The following GPC5 variants were observed in gnomAD, a reference collection of about 807,000 sequenced individuals.
GPC5 encodes glypican-5.
Under a neutral mutation model 53.9 loss-of-function variants are expected in GPC5, and 47 were observed. The observed-to-expected ratio is 0.87, with a 90% CI of 0.69 to 1.11. The LOEUF (loss-of-function observed/expected upper bound fraction) is 1.11, where lower values mean the gene tolerates loss of function less well. GPC5 is among the 50% of genes most tolerant of loss of function. The probability of loss-of-function intolerance (pLI) is 0.00; values close to 1 mark genes in which losing one functional copy is unlikely to be tolerated. For synonymous variants in GPC5, 286 were observed against 263.3 expected (o/e 1.09, Z -0.84); for missense variants, 748 against 713.1 (o/e 1.05, Z -0.56).
chr13:91,832,936 A>C (rs2038679512), intron 5 of GPC5, among the ~76,000 whole-genome samples: 2 of 152,204 alleles, frequency 1.3e-5, no homozygotes, highest in Non-Finnish European at 2.9e-5. Context: ...ACCCTTCAAA[A>C]AAATCAATGA....
rs920301324 is a variant in GPC5, at chr13:92,476,758, A to G, written c.1561+331769A>G. 1.0e-4 allele frequency among the ~76,000 whole-genome samples: 15 copies of G among 149,340 alleles called. 1 individual carries two copies. The highest frequency in any genetic ancestry group is 3.5e-4 in the African/African-American group (14 of 39,932). ...TGTCCTTTGTAGGGACATGGATGAA[A>G]TTGGAAATCATCATTCTCAGTAAAC... On this transcript the variant is annotated intron_variant, in intron 7 of 7. Transcript: ENST00000377067.
At chr13:92,483,708 A>G (rs755026378) in intron 7 of GPC5, among the ~76,000 whole-genome samples, 2 of 152,072 alleles carry the variant, frequency 1.3e-5, no homozygotes, top group Non-Finnish European at 2.9e-5. Flanking sequence ...TGACTTTTCT[A>G]TAATAAATGT....
chr13:92,725,796 A>T (rs908024268), intron 7 of GPC5, among the ~76,000 whole-genome samples: 1 of 151,576 alleles, frequency 6.6e-6, no homozygotes, highest in African/African-American at 2.4e-5. Flanking sequence ...TTTAGATCTA[A>T]ATTGGATGAA....
At chr13:92,533,516 C>A (rs941819159) in intron 7 of GPC5, among the ~76,000 whole-genome samples, 1 of 152,062 alleles carries the variant, frequency 6.6e-6, no homozygotes, top group Non-Finnish European at 1.5e-5. Flanking sequence ...TATAATATAG[C>A]TTTGGATATT....
chr13:92,724,935 G>T (rs1193665719), intron 7 of GPC5, among the ~76,000 whole-genome samples: 1 of 144,180 alleles, frequency 6.9e-6, no homozygotes, highest in East Asian at 2.0e-4. Flanking sequence ...CAAGAGAGTA[G>T]CTAAGATCTA....
At chr13:91,520,395 A>T (rs966506853) in intron 2 of GPC5, among the ~76,000 whole-genome samples, 16 of 152,194 alleles carry the variant, frequency 1.1e-4, no homozygotes, top group Non-Finnish European at 2.1e-4. Flanking sequence ...CATGATTGAC[A>T]TTTAAATCCA....
intron 5 of GPC5, among the ~76,000 whole-genome samples, chr13:91,790,640 C>A (rs932471160): frequency 6.6e-6 from 1 of 152,120 alleles, no homozygotes; most frequent in Non-Finnish European, 1.5e-5. Flanking sequence ...TTTATTATTT[C>A]TTTGATAATC....
chr13:92,025,207 A>C lies in GPC5; in HGVS notation c.1401+117150A>C, dbSNP rs559005112. ...TTATTGTTATATTTGATTTTAAGTA[A>C]ATTCTAGTTAAGATTCTTAACAATT... On this transcript the variant is annotated intron_variant, in intron 6 of 7. Coordinates refer to ENST00000377067, the MANE Select transcript of GPC5 (RefSeq NM_004466.6). Among the ~76,000 whole-genome samples the C allele has an allele frequency of 2.3e-4, 35 of 152,090 alleles. 1 individual carries two copies. Among genetic ancestry groups the C allele is most frequent in the Non-Finnish European group, 4.3e-4 (29 of 68,022 alleles).
At chr13:92,270,706 C>A (rs1346386921) in intron 7 of GPC5, among the ~76,000 whole-genome samples, 2 of 152,052 alleles carry the variant, frequency 1.3e-5, no homozygotes, top group African/African-American at 4.8e-5. Flanking sequence ...ATGAAAATAT[C>A]TTTGTTTTTA....
rs1011383542 is a variant in GPC5 at position 91,398,943 on chromosome 13, C to A, written c.-104C>A. The A allele has an allele frequency of 6.3e-6, 9 of 1,418,842 alleles. No individual in the cohort carries two copies. The African/African-American group carries it at 1.1e-4, about 18-fold the overall frequency. 87.9% of individuals were successfully genotyped at this position (1,418,842 alleles called of 1,614,324 possible). ...CGTACACCCCGCAGCCGGCTCGCAC[C>A]GCTCGAGAGCCTCGGCCGCTGTGTC... On this transcript the variant is annotated 5_prime_UTR_variant, in exon 1 of 8. Transcript: ENST00000377067.
chr13:91,673,484 G>A (rs2035298961), intron 2 of GPC5, among the ~76,000 whole-genome samples: 1 of 151,934 alleles, frequency 6.6e-6, no homozygotes, highest in South Asian at 2.1e-4. Flanking sequence ...CCTATTAGAA[G>A]AATATATTAA....
intron 3 of GPC5, among the ~76,000 whole-genome samples, chr13:91,696,031 C>T (rs1188437065): frequency 6.6e-6 from 1 of 152,126 alleles, no homozygotes; most frequent in Non-Finnish European, 1.5e-5. Context: ...GCCTGTTTGT[C>T]CTATGTGAAA....
chr13:92,076,078 ATT>A (rs34708469), intron 6 of GPC5, among the ~76,000 whole-genome samples: 48 of 146,106 alleles, frequency 3.3e-4, no homozygotes, highest in Admixed American at 4.8e-4. Flanking sequence ...CGAAAGTATA[ATT>A]TTTTTTTTTT....
At chr13:91,480,689 C>T (rs1047659285) in intron 2 of GPC5, among the ~76,000 whole-genome samples, 1 of 152,168 alleles carries the variant, frequency 6.6e-6, no homozygotes, top group African/African-American at 2.4e-5. Context: ...AGCTTGGACA[C>T]ACCTTATTTC....
chr13:92,825,434 A>C (rs1877813651), intron 7 of GPC5, among the ~76,000 whole-genome samples: 1 of 152,116 alleles, frequency 6.6e-6, no homozygotes, highest in Non-Finnish European at 1.5e-5. Context: ...AAAAAATGCA[A>C]ATGTTATTAA....
chr13:92,065,031 T>C (rs529459084), intron 6 of GPC5, among the ~76,000 whole-genome samples: 2 of 152,232 alleles, frequency 1.3e-5, no homozygotes, highest in East Asian at 3.9e-4. Context: ...CTGAAAATTT[T>C]GATAATGCAG....
At position 92,607,286 on chromosome 13, in the gene GPC5, T is replaced by C. The variant is rs111283210; in HGVS notation, c.1562-258996T>C. ...CTACTCTTCCCCAAGACCAGCTCAA[T>C]TACTTTTAATGATTGTGCTCTGGAG... On this transcript the variant is annotated intron_variant, in intron 7 of 7. Transcript: ENST00000377067. 8.8e-3 allele frequency among the ~76,000 whole-genome samples: 1,336 copies of C among 152,312 alleles called. 14 individuals are homozygous for C. The highest frequency in any genetic ancestry group is 0.03 in the African/African-American group (1,264 of 41,578).
intron 7 of GPC5, among the ~76,000 whole-genome samples, chr13:92,552,219 T>C (rs1882342244): frequency 6.6e-6 from 1 of 151,836 alleles, no homozygotes; most frequent in African/African-American, 2.4e-5. Flanking sequence ...CAAAGCCATA[T>C]TGAAATGGGG....
chr13:91,653,872 G>C (rs2034780780), intron 2 of GPC5, among the ~76,000 whole-genome samples: 1 of 152,052 alleles, frequency 6.6e-6, no homozygotes, highest in Non-Finnish European at 1.5e-5. Context: ...CTATGTATAA[G>C]CAAGTAAAAT....
Sources: allele counts gnomAD v4.1 joint callset (sites outside exome capture counted in the v4.1 genomes callset), GRCh38; gene constraint gnomAD v4.1.1; transcripts MANE v1.5; gene names NCBI Gene and HGNC (gene_info 2026-07-23, HGNC 2026-07-21).